Variants in NPHS1 observed in about 807,000 individuals in gnomAD.
NPHS1 encodes the protein nephrin.
NPHS1 carries 107 observed loss-of-function variants against 139.7 expected under a neutral mutation model. The observed-to-expected ratio is 0.77, with a 90% CI of 0.66 to 0.90. The LOEUF is 0.90. Among genes scored for constraint, NPHS1 ranks in the 40% least tolerant of loss-of-function variants. The probability of loss-of-function intolerance (pLI) is 0.00; values close to 1 mark genes in which losing one functional copy is unlikely to be tolerated. For synonymous variants in NPHS1, 707 were observed against 706.6 expected, an observed-to-expected ratio of 1.00 and a Z score of -0.01; for missense variants, 1,580 against 1,654.2, an observed-to-expected ratio of 0.96 and a Z score of 0.78.
Position 35,844,321 on chromosome 19 carries a change from G to T in NPHS1, c.2069C>A (p.Pro690Gln), listed in dbSNP as rs1362037587. 1 of 1,613,844 alleles carries T rather than the reference G, an allele frequency of 6.2e-7. No homozygotes were observed. Among genetic ancestry groups the T allele is most frequent in the Non-Finnish European group, 8.5e-7 (1 of 1,179,964 alleles). Residue 690 changes from proline (P) to glutamine (Q), a missense_variant and splice_region_variant, in exon 15 of 29, where the codon CCA becomes CAA. Physicochemically the swap from Pro to Gln is moderately conservative, Grantham distance 76. Coordinates refer to ENST00000378910, the MANE Select transcript of NPHS1 (RefSeq NM_004646.4). Reference protein sequence around the residue: ...NWTFRGYRLSPAGGPRHRILS... With the variant: ...NWTFRGYRLSQAGGPRHRILS... ...CTCCCCATGACCACTTCCCTCACCT[G>T]GACTGAGGCGATAGCCGCGGAAGGT... is the stretch of plus-strand genomic sequence containing the variant.
intron 11 of NPHS1, among the ~76,000 whole-genome samples, chr19:35,847,674 T>G (rs915236512): frequency 3.3e-5 from 5 of 151,794 alleles, no homozygotes; most frequent in African/African-American, 7.3e-5. Context: ...CAGCATTGTT[T>G]TTTTTTTTTT....
At position 35,849,280 on chromosome 19, in the gene NPHS1, C is replaced by A; in HGVS notation, c.796G>T (p.Val266Leu). The A allele has an allele frequency of 6.2e-7, 1 of 1,613,342 alleles. No individual in the cohort carries two copies. Among genetic ancestry groups the A allele is most frequent in the Non-Finnish European group, 8.5e-7 (1 of 1,179,992 alleles). Residue 266 changes from valine (V) to leucine (L), a missense_variant, in exon 7 of 29, where the codon GTG becomes TTG. Coordinates refer to ENST00000378910, the MANE Select transcript of NPHS1 (RefSeq NM_004646.4). ...RAGQSLELPC[V>L]ARGGNPLATL... ...GCTAAGGGATTACCCCCTCGGGCCA[C>A]GCACGGCAGCTCCAAGCTCTGTCCT...
intron 23 of NPHS1, among the ~76,000 whole-genome samples, chr19:35,834,694 A>G (rs1047090377): frequency 3.3e-5 from 5 of 151,856 alleles, no homozygotes; most frequent in Non-Finnish European, 5.9e-5. Flanking sequence ...GTTAAAGACC[A>G]TCCTGGCTAA....
At chr19:35,843,444 C>T in intron 17 of NPHS1, 28 bp downstream of exon 17, 1 of 1,613,628 alleles carries the variant, frequency 6.2e-7, no homozygotes, top group Non-Finnish European at 8.5e-7. Flanking sequence ...TTGACCCCAC[C>T]TCTATTCACC....
At chr19:35,828,559 C>T (rs866977239) in intron 28 of NPHS1, among the ~76,000 whole-genome samples, 4 of 152,054 alleles carry the variant, frequency 2.6e-5, no homozygotes, top group African/African-American at 7.2e-5. Flanking sequence ...CCACCGTGCC[C>T]GGCCTGGTTT....
intron 16 of NPHS1, 127 bp from the exon 17 acceptor site, chr19:35,843,720 T>A: frequency 8.2e-7 from 1 of 1,222,806 alleles, no homozygotes; most frequent in South Asian, 1.4e-5. Context: ...AATCTGCCCT[T>A]AATACCAAAG....
At chr19:35,848,009 G>A (rs1450775132) in intron 11 of NPHS1, 32 bp downstream of exon 11, 2 of 1,610,582 alleles carry the variant, frequency 1.2e-6, no homozygotes, top group African/African-American at 2.7e-5. Flanking sequence ...CCACATTCCT[G>A]GCCACCCCCA....
chr19:35,849,352 G>C lies in NPHS1; in HGVS notation c.724C>G (p.Pro242Ala), dbSNP rs769831492. 1 of 1,612,098 alleles carries C rather than the reference G, an allele frequency of 6.2e-7. No individual in the cohort carries two copies. The highest frequency in any genetic ancestry group is 8.5e-7 in the Non-Finnish European group (1 of 1,179,714). ...AGGCCTGGCCACTCGATGACAGGGG[G>C]TCCTGGAGGGACTGGGGGATATCAG... ...FTVNVLFPPG[P>A]PVIEWPGLDE... The change falls in exon 7 of 29, where the codon CCC (proline) becomes GCC (alanine). Residue 242 changes from proline to alanine, a missense_variant. Transcript: ENST00000378910.
intron 17 of NPHS1, among the ~76,000 whole-genome samples, chr19:35,842,859 G>A (rs931784689): frequency 6.6e-5 from 10 of 151,380 alleles, no homozygotes; most frequent in South Asian, 6.3e-4. Flanking sequence ...TCCACTCATC[G>A]GTTCACTCAC....
chr19:35,839,827 C>A (rs4805142), intron 20 of NPHS1, among the ~76,000 whole-genome samples: 4 of 149,108 alleles, frequency 2.7e-5, no homozygotes, highest in Admixed American at 2.6e-4. Context: ...GATGCTTGAG[C>A]CCAGGAGTTC....
intron 28 of NPHS1, among the ~76,000 whole-genome samples, chr19:35,829,945 T>C (rs1219537003): frequency 1.3e-5 from 2 of 152,064 alleles, no homozygotes; most frequent in Non-Finnish European, 2.9e-5. Context: ...ATTAGAGATA[T>C]GAGCCGTGAC....
chr19:35,835,194 TG>T (rs1972939463), intron 23 of NPHS1, among the ~76,000 whole-genome samples: 2 of 83,132 alleles, frequency 2.4e-5, no homozygotes, highest in Non-Finnish European at 4.7e-5. Flanking sequence ...AATGAGACTC[TG>T]TCTCAAAAAA....
In NPHS1 at chr19:35,852,070, C is replaced by CT. The variant is rs918596654; in HGVS notation, c.-234dup. Among the ~76,000 whole-genome samples the CT allele has an allele frequency of 1.3e-5, 2 of 150,448 alleles. No individual in the cohort carries two copies. The highest frequency in any genetic ancestry group is 1.5e-5 in the Non-Finnish European group (1 of 67,570). ...CTCTTTCTCTGTCTCTTTAAAAAAA[C>CT]TTTTTTTTCTTTTTTCTTTTTTTTT... On this transcript the variant is annotated 5_prime_UTR_variant, in exon 1 of 29. Transcript: ENST00000378910.
chr19:35,845,355 C>A lies in NPHS1; in HGVS notation c.1930+13G>T, dbSNP rs1568454395. 1.2e-6 allele frequency: 2 copies of A among 1,614,058 alleles called. No individual in the cohort carries two copies. The highest frequency in any genetic ancestry group is 1.3e-5 in the African/African-American group (1 of 74,958). Reference sequence around the variant, plus strand: ...GAAGGCATCGAGAGGGGCTTTCAGGCCGGGGCACATACACAGTACGTTGAG... The same window carrying A: ...GAAGGCATCGAGAGGGGCTTTCAGGACGGGGCACATACACAGTACGTTGAG... On this transcript the variant is annotated intron_variant, in intron 14 of 28. Coordinates refer to ENST00000378910, the MANE Select transcript of NPHS1 (RefSeq NM_004646.4). The surrounding 1 kb of genome is among the most constrained non-coding windows in gnomAD (Gnocchi z 5.5).
rs199659985 is a variant in NPHS1, at chr19:35,848,946, G to A, written c.1012+30C>T. On this transcript the variant is annotated intron_variant, in intron 8 of 28. Coordinates refer to ENST00000378910, the MANE Select transcript of NPHS1 (RefSeq NM_004646.4). ...CAGATGGTTCTCTGAGGCACAGACCGACAGGGGGGCAGCTGGCACCAGGAC... is the reference window on the plus strand; with the variant it reads ...CAGATGGTTCTCTGAGGCACAGACCAACAGGGGGGCAGCTGGCACCAGGAC... The A allele has an allele frequency of 2.4e-4, 388 of 1,611,266 alleles. No individual in the cohort carries two copies. The highest frequency in any genetic ancestry group is 1.9e-3 in the Admixed American group (117 of 60,032).
At chr19:35,833,821 T>A (rs1449091499) in intron 23 of NPHS1, among the ~76,000 whole-genome samples, 1 of 152,150 alleles carries the variant, frequency 6.6e-6, no homozygotes, top group Non-Finnish European at 1.5e-5. Flanking sequence ...ATCAGCCTCC[T>A]GAGTAGCTGG....
intron 22 of NPHS1, among the ~76,000 whole-genome samples, chr19:35,836,167 G>C (rs368395654): frequency 6.9e-6 from 1 of 144,048 alleles, no homozygotes; most frequent in Non-Finnish European, 1.5e-5. Flanking sequence ...CACCATGTTG[G>C]CCAGGCTAGT....
At chr19:35,849,778 C>G (rs983671403) in intron 5 of NPHS1, 125 bp from the exon 6 acceptor site, 5 of 741,584 alleles carry the variant, frequency 6.7e-6, no homozygotes, top group Non-Finnish European at 1.2e-5. Flanking sequence ...CTGATCTCCT[C>G]TGGGATCCAG....
At chr19:35,831,581 C>G (rs1302185189) in intron 24 of NPHS1, 62 bp downstream of exon 24, 17 of 1,612,174 alleles carry the variant, frequency 1.1e-5, no homozygotes, top group Non-Finnish European at 1.3e-5. Context: ...CAGTATGCAG[C>G]AACCACAGGG....
Sources: allele counts gnomAD v4.1 joint callset (sites outside exome capture counted in the v4.1 genomes callset), GRCh38; gene constraint gnomAD v4.1.1; non-coding constraint Gnocchi (gnomAD v3.1); transcripts MANE v1.5; gene names NCBI Gene and HGNC (gene_info 2026-07-23, HGNC 2026-07-21).